Variants in LRMDA observed in about 807,000 individuals in gnomAD.
LRMDA encodes leucine-rich melanocyte differentiation-associated protein.
LRMDA carries 18 observed loss-of-function variants against 29.8 expected under a neutral mutation model. The ratio of observed to expected loss-of-function variants is 0.60; its 90% CI spans 0.42 to 0.90. The LOEUF is 0.90. LRMDA is among the 40% of genes least tolerant of loss of function. The probability of loss-of-function intolerance (pLI) is 0.00; values close to 1 mark genes in which losing one functional copy is unlikely to be tolerated. For missense variants in LRMDA, 273 were observed against 273.9 expected (o/e 1.00, Z 0.02); for synonymous variants, 125 against 109.4 (o/e 1.14, Z -0.89).
intron 6 of LRMDA, among the ~76,000 whole-genome samples, chr10:76,382,478 A>C (rs530395602): frequency 1.3e-5 from 2 of 152,334 alleles, no homozygotes; most frequent in Admixed American, 1.3e-4. Flanking sequence ...GAACCTGCTG[A>C]AAGGGAATGT....
At chr10:76,104,494 C>CCTCCCTGCAGCTCTGGGT (rs1303546401) in intron 5 of LRMDA, among the ~76,000 whole-genome samples, 1 of 151,328 alleles carries the variant, frequency 6.6e-6, no homozygotes, top group Admixed American at 6.6e-5. Flanking sequence ...GCCAGGCTGC[C>CCTCCCTGCAGCTCTGGGT]CTCCCTGCAG....
At chr10:76,452,568 T>TGAAGTAGAG (rs1291504545) in intron 6 of LRMDA, among the ~76,000 whole-genome samples, 1 of 151,250 alleles carries the variant, frequency 6.6e-6, no homozygotes, top group East Asian at 1.9e-4. Context: ...TACAAAGATG[T>TGAAGTAGAG]GAAGTAGAGG....
chr10:75,711,197 G>T (rs1842431685), intron 2 of LRMDA, among the ~76,000 whole-genome samples: 1 of 152,158 alleles, frequency 6.6e-6, no homozygotes, highest in South Asian at 2.1e-4. Context: ...GCTTTTGGGA[G>T]AGGTGATGGG....
chr10:75,851,062 T>C (rs1263264244), intron 2 of LRMDA, among the ~76,000 whole-genome samples: 1 of 152,224 alleles, frequency 6.6e-6, no homozygotes, highest in East Asian at 1.9e-4. Flanking sequence ...TTCAACATGA[T>C]TGAATATGAT....
rs1697702933 is a variant in LRMDA, at chr10:76,031,688, T to G, written c.132-4320T>G. On this transcript the variant is annotated intron_variant, in intron 2 of 6. Coordinates refer to ENST00000611255, the MANE Select transcript of LRMDA (RefSeq NM_001305581.2). The stretch of plus-strand genomic sequence containing the variant: ...CAGGGTAGTAGACATCAGACCCAGG[T>G]TAGGCCCTTTAGAACTTCCATGGCC... 2.0e-5 allele frequency among the ~76,000 whole-genome samples: 3 copies of G among 152,214 alleles called. No homozygotes were observed. In the South Asian group the frequency reaches 6.2e-4, roughly 32 times the overall value.
chr10:76,035,945 G>A, intron 2 of LRMDA, 63 bp from the exon 3 acceptor site: 1 of 1,553,076 alleles, frequency 6.4e-7, no homozygotes, highest in South Asian at 1.2e-5. Context: ...TATTTATTTC[G>A]GCTCATAATG....
intron 5 of LRMDA, among the ~76,000 whole-genome samples, chr10:76,320,356 C>G (rs958246855): frequency 1.3e-5 from 2 of 152,106 alleles, no homozygotes; most frequent in Non-Finnish European, 2.9e-5. Flanking sequence ...TTTATAAGGC[C>G]AGAATGAGTG....
At chr10:75,953,153 G>A (rs1348436895) in intron 2 of LRMDA, among the ~76,000 whole-genome samples, 1 of 151,708 alleles carries the variant, frequency 6.6e-6, no homozygotes, top group Non-Finnish European at 1.5e-5. Flanking sequence ...GCTCACTGCA[G>A]CCTTGACCTC....
At chr10:75,937,588 T>C (rs937453634) in intron 2 of LRMDA, among the ~76,000 whole-genome samples, 5 of 152,182 alleles carry the variant, frequency 3.3e-5, no homozygotes, top group African/African-American at 1.2e-4. Context: ...GCTCTCCAAT[T>C]TCCATCAGTT....
intron 2 of LRMDA, among the ~76,000 whole-genome samples, chr10:75,685,817 GTAAAAA>G (rs1488249993): frequency 1.3e-5 from 2 of 152,158 alleles, no homozygotes; most frequent in African/African-American, 4.8e-5. Context: ...GGAAAACAAA[GTAAAAA>G]TAAACAATAG....
chr10:75,721,649 C>T (rs1156346012), intron 2 of LRMDA, among the ~76,000 whole-genome samples: 1 of 152,142 alleles, frequency 6.6e-6, no homozygotes, highest in African/African-American at 2.4e-5. Flanking sequence ...TGTTCCCCAG[C>T]TCCATTCCAT....
chr10:75,776,105 G>C (rs1843308911), intron 2 of LRMDA, among the ~76,000 whole-genome samples: 1 of 152,198 alleles, frequency 6.6e-6, no homozygotes, highest in South Asian at 2.1e-4. Context: ...CAGAGAAGAA[G>C]CTATTTACAA....
intron 2 of LRMDA, among the ~76,000 whole-genome samples, chr10:75,981,085 A>G (rs1435304130): frequency 1.3e-5 from 2 of 152,232 alleles, no homozygotes; most frequent in South Asian, 2.1e-4. Context: ...AGTTATACAC[A>G]TTGTCTGCTT....
intron 5 of LRMDA, among the ~76,000 whole-genome samples, chr10:76,210,333 A>G (rs1446309815): frequency 1.3e-5 from 2 of 152,208 alleles, no homozygotes; most frequent in Non-Finnish European, 2.9e-5. Flanking sequence ...AATTAAAAGT[A>G]GGAATGGAAT....
intron 2 of LRMDA, among the ~76,000 whole-genome samples, chr10:75,834,495 T>C (rs1844399874): frequency 6.6e-6 from 1 of 152,186 alleles, no homozygotes; most frequent in South Asian, 2.1e-4. Context: ...ATTTCCCAAA[T>C]CATCAAGTCC....
intron 2 of LRMDA, among the ~76,000 whole-genome samples, chr10:75,518,400 G>C (rs552612211): frequency 1.3e-5 from 2 of 152,158 alleles, no homozygotes; most frequent in Non-Finnish European, 2.9e-5. Flanking sequence ...TCTATTAAGA[G>C]ATTCAACTTC....
At chr10:76,551,787 GC>G (rs1843498371) in intron 6 of LRMDA, among the ~76,000 whole-genome samples, 3 of 152,242 alleles carry the variant, frequency 2.0e-5, no homozygotes, top group African/African-American at 7.2e-5. Context: ...TTGTTCTAGA[GC>G]CTTCTGCAGT....
intron 2 of LRMDA, among the ~76,000 whole-genome samples, chr10:76,007,031 T>TGTGTGTGC (rs1230411095): frequency 3.5e-3 from 94 of 26,958 alleles, no homozygotes; most frequent in Middle Eastern, 0.025. Flanking sequence ...TGTGTGTGTG[T>TGTGTGTGC]GCGCGTGTGT....
intron 5 of LRMDA, among the ~76,000 whole-genome samples, chr10:76,201,003 C>G (rs1851416345): frequency 6.6e-6 from 1 of 151,186 alleles, no homozygotes; most frequent in South Asian, 2.1e-4. Flanking sequence ...AGGCGTGAGC[C>G]ACCATGCCTG....
Sources: allele counts gnomAD v4.1 joint callset (sites outside exome capture counted in the v4.1 genomes callset), GRCh38; gene constraint gnomAD v4.1.1; transcripts MANE v1.5; gene names NCBI Gene and HGNC (gene_info 2026-07-23, HGNC 2026-07-21).